Variants in SUCLG2 observed in about 807,000 individuals in gnomAD.
The protein encoded by SUCLG2 is succinate--CoA ligase [GDP-forming] subunit beta, mitochondrial.
Under a neutral mutation model 47.9 loss-of-function variants are expected in SUCLG2, and 42 were observed. The observed-to-expected ratio is 0.88, with a 90% CI of 0.69 to 1.14. The LOEUF (loss-of-function observed/expected upper bound fraction) is 1.14. Among genes scored for constraint, SUCLG2 ranks in the 50% most tolerant of loss-of-function variants. SUCLG2 has a pLI of 0.00. For synonymous variants in SUCLG2, 195 were observed against 197.3 expected, an observed-to-expected ratio of 0.99 and a Z score of 0.10; for missense variants, 571 against 525.9, an observed-to-expected ratio of 1.09 and a Z score of -0.84.
intron 9 of SUCLG2, among the ~76,000 whole-genome samples, chr3:67,493,543 C>G (rs953216854): frequency 3.3e-5 from 5 of 152,000 alleles, no homozygotes; most frequent in Non-Finnish European, 7.4e-5. Context: ...ACAGGTTTTA[C>G]AAAATTAAAA....
rs1236935888 is a variant in SUCLG2 at position 67,374,720 on chromosome 3, T to G, written c.*1024A>C. The G allele has an allele frequency of 1.1e-6, 1 of 883,978 alleles. No homozygotes were observed. Among genetic ancestry groups the G allele is most frequent in the Non-Finnish European group, 1.4e-6 (1 of 737,858 alleles). 54.8% of individuals were successfully genotyped at this position (883,978 alleles called of 1,614,324 possible). ...TAAAATGAGAGATACACACAGATCT[T>G]ACAGCTTACAAAACATAATTTTATT... On this transcript the variant is annotated 3_prime_UTR_variant, in exon 11 of 11. Coordinates refer to ENST00000307227, the MANE Select transcript of SUCLG2 (RefSeq NM_003848.4).
intron 9 of SUCLG2, among the ~76,000 whole-genome samples, chr3:67,491,576 G>A (rs1011378208): frequency 1.2e-4 from 18 of 152,036 alleles, no homozygotes; most frequent in African/African-American, 3.9e-4. Context: ...TTTTGGCCAG[G>A]CTGCTCTTGA....
At chr3:67,497,091 G>T (rs565204797) in intron 8 of SUCLG2, among the ~76,000 whole-genome samples, 1 of 152,230 alleles carries the variant, frequency 6.6e-6, no homozygotes, top group South Asian at 2.1e-4. Flanking sequence ...CAAATATTGA[G>T]AGTGCATTAG....
At chr3:67,518,478 G>A (rs940057281) in intron 5 of SUCLG2, 142 bp from the exon 6 acceptor site, 14 of 691,092 alleles carry the variant, frequency 2.0e-5, no homozygotes, top group Non-Finnish European at 2.3e-5. Flanking sequence ...CAGGGCTACC[G>A]CAGATGCCTG....
chr3:67,428,145 T>A (rs1703356670), intron 9 of SUCLG2, among the ~76,000 whole-genome samples: 1 of 152,290 alleles, frequency 6.6e-6, no homozygotes, highest in African/African-American at 2.4e-5. Context: ...GACTGCCTCC[T>A]CAAGTGGGTC....
intron 2 of SUCLG2, among the ~76,000 whole-genome samples, chr3:67,556,168 T>C (rs1707154072): frequency 2.0e-5 from 3 of 152,096 alleles, no homozygotes; most frequent in South Asian, 4.1e-4. Context: ...CCAATAGACA[T>C]GATAACTAAA....
intron 1 of SUCLG2, among the ~76,000 whole-genome samples, chr3:67,626,426 A>C (rs940143848): frequency 6.6e-6 from 1 of 152,088 alleles, no homozygotes; most frequent in Non-Finnish European, 1.5e-5. Flanking sequence ...ACACGGGCCC[A>C]AGAGATGAAA....
chr3:67,377,188 G>A (rs1702052582), intron 10 of SUCLG2, among the ~76,000 whole-genome samples: 1 of 152,188 alleles, frequency 6.6e-6, no homozygotes, highest in South Asian at 2.1e-4. Context: ...ACTTTTCCAT[G>A]GTCACAGAGG....
At chr3:67,643,221 T>C (rs1701132884) in intron 1 of SUCLG2, among the ~76,000 whole-genome samples, 1 of 152,236 alleles carries the variant, frequency 6.6e-6, no homozygotes, top group Admixed American at 6.5e-5. Context: ...ATTTTCACTT[T>C]GCAAACATTT....
At chr3:67,644,476 G>C (rs1439449975) in intron 1 of SUCLG2, among the ~76,000 whole-genome samples, 1 of 152,138 alleles carries the variant, frequency 6.6e-6, no homozygotes. Flanking sequence ...CAGGGACTAG[G>C]GGAAGGGGAG....
intron 9 of SUCLG2, among the ~76,000 whole-genome samples, chr3:67,456,664 G>T (rs1325022389): frequency 3.9e-5 from 6 of 152,130 alleles, no homozygotes; most frequent in African/African-American, 7.2e-5. Context: ...AGTTAGAAAA[G>T]AAATTTTAAT....
intron 2 of SUCLG2, among the ~76,000 whole-genome samples, chr3:67,530,333 A>C (rs1011516966): frequency 1.3e-5 from 2 of 152,202 alleles, no homozygotes; most frequent in Non-Finnish European, 2.9e-5. Context: ...AGAGCCTGAA[A>C]ACTTGTGATT....
Position 67,375,875 on chromosome 3 carries a change from G to A in SUCLG2, c.1184-16C>T, listed in dbSNP as rs1325445317. 6.2e-7 allele frequency: 1 copy of A among 1,610,460 alleles called. No individual in the cohort carries two copies. The highest frequency in any genetic ancestry group is 8.5e-7 in the Non-Finnish European group (1 of 1,178,308). The stretch of plus-strand genomic sequence containing the variant: ...ACGTTGGTTCCTAGAAGGGGGACAG[G>A]GAACAATCACTGAATGAAACTAGAG... On this transcript the variant is annotated splice_polypyrimidine_tract_variant and intron_variant, in intron 10 of 10. Coordinates refer to ENST00000307227, the MANE Select transcript of SUCLG2 (RefSeq NM_003848.4).
chr3:67,534,258 T>C (rs1706477073), intron 2 of SUCLG2, among the ~76,000 whole-genome samples: 1 of 152,102 alleles, frequency 6.6e-6, no homozygotes. Flanking sequence ...AATCCTTTCT[T>C]TGGATACTGT....
Position 67,529,180 on chromosome 3 carries a change from T to C in SUCLG2, c.233A>G (p.Lys78Arg). 1 of 1,608,552 alleles carries C rather than the reference T, an allele frequency of 6.2e-7. No homozygotes were observed. The highest frequency in any genetic ancestry group is 8.5e-7 in the Non-Finnish European group (1 of 1,178,656). Residue 78 changes from lysine to arginine, a missense_variant, in exon 3 of 11, where the codon AAA becomes AGA. By Grantham distance (26) the Lys-to-Arg change is conservative. Coordinates refer to ENST00000307227, the MANE Select transcript of SUCLG2 (RefSeq NM_003848.4). ...ALEAAKRLNA[K>R]EIVLKAQILA... Reference sequence around the variant, plus strand: ...GATCTGGGCTTTTAAAACAATTTCTTTTGCATCTGAAAAAGAAAAATCCAG... The same window carrying C: ...GATCTGGGCTTTTAAAACAATTTCTCTTGCATCTGAAAAAGAAAAATCCAG...
At chr3:67,434,185 C>A (rs899289807) in intron 9 of SUCLG2, among the ~76,000 whole-genome samples, 1 of 152,156 alleles carries the variant, frequency 6.6e-6, no homozygotes, top group Admixed American at 6.5e-5. Flanking sequence ...ATGATCATTT[C>A]TGTTGTTTAA....
intron 1 of SUCLG2, among the ~76,000 whole-genome samples, chr3:67,615,232 C>T (rs1488872114): frequency 6.8e-6 from 1 of 146,428 alleles, no homozygotes; most frequent in Non-Finnish European, 1.5e-5. Flanking sequence ...ACTCCAAGCA[C>T]AAAACCAGAC....
intron 2 of SUCLG2, among the ~76,000 whole-genome samples, chr3:67,588,282 C>G (rs780350869): frequency 6.6e-6 from 1 of 152,140 alleles, no homozygotes; most frequent in African/African-American, 2.4e-5. Flanking sequence ...AAGTCCTTTG[C>G]TATCAAAAAA....
intron 5 of SUCLG2, among the ~76,000 whole-genome samples, chr3:67,519,612 CAA>C (rs780990218): frequency 6.6e-6 from 1 of 151,918 alleles, no homozygotes; most frequent in African/African-American, 2.4e-5. Context: ...ATTATTTAGA[CAA>C]AGAGATTTAA....
Sources: gnomAD v4.1 joint callset for allele counts (sites outside exome capture counted in the v4.1 genomes callset) on GRCh38, gnomAD v4.1.1 for gene constraint, MANE v1.5 for transcripts, NCBI Gene and HGNC (gene_info 2026-07-23, HGNC 2026-07-21) for gene names.